Variants in TRMT11 observed in about 807,000 individuals in gnomAD.
The protein encoded by TRMT11 is tRNA methyltransferase 11, also known as tRNA (guanine(10)-N(2))-methyltransferase TRMT11.
A neutral mutation model predicts 62.8 loss-of-function variants in TRMT11; 53 were observed. The observed-to-expected ratio is 0.84, with a 90% CI of 0.68 to 1.06. The LOEUF (loss-of-function observed/expected upper bound fraction) is 1.06, where lower values mean the gene tolerates loss of function less well. TRMT11 is among the 50% of genes least tolerant of loss of function. TRMT11 has a pLI of 0.00. For missense variants in TRMT11, 556 were observed against 553.4 expected, an observed-to-expected ratio of 1.00 and a Z score of -0.05; for synonymous variants, 188 against 190.3, an observed-to-expected ratio of 0.99 and a Z score of 0.10.
At chr6:126,272,287 TTC>T in the TRMT11 span, among the ~76,000 whole-genome samples, 1 of 152,188 alleles carries the variant, frequency 6.6e-6, no homozygotes, top group Non-Finnish European at 1.5e-5. Flanking sequence ...TTGTATGTTA[TTC>T]TCTGAGTATT....
chr6:126,201,225 G>C (rs1385398389), intron 3 of TRMT11, among the ~76,000 whole-genome samples: 1 of 152,110 alleles, frequency 6.6e-6, no homozygotes, highest in East Asian at 1.9e-4. Context: ...TTGAATATTG[G>C]CCATTGATTT....
At chr6:126,263,731 G>C in the TRMT11 span, among the ~76,000 whole-genome samples, 2 of 152,124 alleles carry the variant, frequency 1.3e-5, no homozygotes, top group Admixed American at 6.6e-5. Flanking sequence ...TAGGGTATTT[G>C]GGTATGTTTG....
At chr6:126,190,728 A>G (rs903865576) in intron 1 of TRMT11, among the ~76,000 whole-genome samples, 1 of 152,180 alleles carries the variant, frequency 6.6e-6, no homozygotes, top group Non-Finnish European at 1.5e-5. Flanking sequence ...TTCACCTGAC[A>G]TTATGACCCA....
intron 7 of TRMT11, among the ~76,000 whole-genome samples, chr6:126,007,106 T>C (rs1793471342): frequency 6.6e-6 from 1 of 152,042 alleles, no homozygotes; most frequent in Admixed American, 6.6e-5. Flanking sequence ...CTTTTTAACC[T>C]TCCCTCTCAC....
intron 17 of TRMT11, among the ~76,000 whole-genome samples, chr6:126,098,873 A>C (rs975183148): frequency 1.3e-5 from 2 of 152,172 alleles, no homozygotes; most frequent in Non-Finnish European, 2.9e-5. Context: ...ATTTTTTTTA[A>C]AGTAGGTAAG....
the TRMT11 span, among the ~76,000 whole-genome samples, chr6:126,242,290 C>G: frequency 6.6e-6 from 1 of 152,180 alleles, no homozygotes; most frequent in Non-Finnish European, 1.5e-5. Context: ...AAAGAGGACA[C>G]AAACAAATGG....
intron 17 of TRMT11, among the ~76,000 whole-genome samples, chr6:126,071,218 C>A (rs914793657): frequency 2.0e-5 from 3 of 151,866 alleles, no homozygotes; most frequent in Non-Finnish European, 2.9e-5. Context: ...GCCCTGTTTC[C>A]TTGGGGGGGT....
downstream of TRMT11, among the ~76,000 whole-genome samples, chr6:126,043,042 CTTTTTT>C (rs948783847): frequency 2.6e-5 from 4 of 151,592 alleles, no homozygotes; most frequent in Non-Finnish European, 5.9e-5. Flanking sequence ...TTTCTTTTTT[CTTTTTT>C]TATTTTATTT....
intron 1 of TRMT11, among the ~76,000 whole-genome samples, chr6:126,193,080 G>T (rs933689023): frequency 6.6e-6 from 1 of 152,048 alleles, no homozygotes; most frequent in Non-Finnish European, 1.5e-5. Flanking sequence ...TTTGATGGGA[G>T]ACTTTTTATT....
chr6:126,212,590 G>A, the TRMT11 span, among the ~76,000 whole-genome samples: 1 of 152,194 alleles, frequency 6.6e-6, no homozygotes, highest in South Asian at 2.1e-4. Flanking sequence ...CTTGAAAAAT[G>A]TCTGTTCAGA....
At chr6:126,225,436 C>T in the TRMT11 span, among the ~76,000 whole-genome samples, 1 of 151,820 alleles carries the variant, frequency 6.6e-6, no homozygotes, top group Non-Finnish European at 1.5e-5. Flanking sequence ...TCCCTTCAGT[C>T]CAGGGTCTGC....
intron 16 of TRMT11, among the ~76,000 whole-genome samples, chr6:126,051,405 A>G (rs1186062730): frequency 6.6e-6 from 1 of 152,152 alleles, no homozygotes; most frequent in Non-Finnish European, 1.5e-5. Context: ...TCAGAGAGTA[A>G]GGCAGGAAGG....
intron 17 of TRMT11, among the ~76,000 whole-genome samples, chr6:126,107,527 G>C (rs538361512): frequency 1.3e-5 from 2 of 152,132 alleles, no homozygotes; most frequent in African/African-American, 4.8e-5. Flanking sequence ...CAGCCCTTGC[G>C]AGTAAAATAT....
At chr6:126,111,180 C>T (rs946433409) in intron 17 of TRMT11, among the ~76,000 whole-genome samples, 8 of 151,942 alleles carry the variant, frequency 5.3e-5, no homozygotes, top group African/African-American at 1.2e-4. Flanking sequence ...GAGGAGACTC[C>T]CTGTCTTGGA....
intron 17 of TRMT11, among the ~76,000 whole-genome samples, chr6:126,092,253 A>G (rs1307153307): frequency 6.6e-6 from 1 of 152,170 alleles, no homozygotes; most frequent in Non-Finnish European, 1.5e-5. Flanking sequence ...GCTGCTGATA[A>G]AGACCTACCC....
intron 17 of TRMT11, among the ~76,000 whole-genome samples, chr6:126,060,392 G>A (rs1005854874): frequency 2.0e-5 from 3 of 152,034 alleles, no homozygotes; most frequent in Non-Finnish European, 4.4e-5. Flanking sequence ...ATCTTATCAC[G>A]GGCTCTCTGG....
At chr6:126,165,648 TCTG>T (rs1316525858) in intron 21 of TRMT11, among the ~76,000 whole-genome samples, 1 of 152,228 alleles carries the variant, frequency 6.6e-6, no homozygotes, top group Non-Finnish European at 1.5e-5. Context: ...TGCAGAGAGA[TCTG>T]CTGTTAGTCT....
chr6:126,128,198 G>T (rs1225266135), intron 21 of TRMT11, among the ~76,000 whole-genome samples: 1 of 151,950 alleles, frequency 6.6e-6, no homozygotes, highest in Admixed American at 6.6e-5. Context: ...TTAATCATTG[G>T]AGTGAATTAA....
chr6:126,249,938 A>G, the TRMT11 span, among the ~76,000 whole-genome samples: 1 of 152,172 alleles, frequency 6.6e-6, no homozygotes, highest in East Asian at 1.9e-4. Context: ...ATGTTAAATT[A>G]CATACGATGC....
Sources: allele counts gnomAD v4.1 joint callset (sites outside exome capture counted in the v4.1 genomes callset), GRCh38; gene constraint gnomAD v4.1.1; transcripts MANE v1.5; gene names NCBI Gene and HGNC (gene_info 2026-07-23, HGNC 2026-07-21).